The following GRM8 variants were observed in gnomAD, a reference collection of about 807,000 sequenced individuals.
GRM8 encodes metabotropic glutamate receptor 8.
A neutral mutation model predicts 87.2 loss-of-function variants in GRM8; 47 were observed. The observed-to-expected ratio is 0.54, with a 90% CI of 0.43 to 0.69. The LOEUF (loss-of-function observed/expected upper bound fraction) is 0.69. Among genes scored for constraint, GRM8 ranks in the 30% least tolerant of loss-of-function variants. GRM8 has a pLI of 0.00. For missense variants in GRM8, 1,019 were observed against 1,139.2 expected (o/e 0.89, Z 1.52); for synonymous variants, 396 against 404.5 (o/e 0.98, Z 0.25).
At chr7:127,054,526 T>G (rs1819798935) in intron 3 of GRM8, among the ~76,000 whole-genome samples, 1 of 152,100 alleles carries the variant, frequency 6.6e-6, no homozygotes, top group African/African-American at 2.4e-5. Context: ...GCAAAACATC[T>G]GACAGAAAAC....
intron 8 of GRM8, among the ~76,000 whole-genome samples, chr7:126,538,015 TG>T (rs1816045591): frequency 6.6e-6 from 1 of 152,210 alleles, no homozygotes; most frequent in South Asian, 2.1e-4. Flanking sequence ...CTGAAATACA[TG>T]GTATAACAAA....
chr7:126,771,374 G>A (rs940019218), intron 6 of GRM8, among the ~76,000 whole-genome samples: 2 of 150,858 alleles, frequency 1.3e-5, no homozygotes, highest in Non-Finnish European at 3.0e-5. Context: ...GCTCTTGGTT[G>A]GTATTCTGGT....
chr7:126,750,631 T>G (rs1291331091), intron 7 of GRM8, among the ~76,000 whole-genome samples: 1 of 152,108 alleles, frequency 6.6e-6, no homozygotes, highest in African/African-American at 2.4e-5. Context: ...TTCATATTTG[T>G]TTTAGCCACT....
At chr7:126,984,182 T>C (rs1398649762) in intron 3 of GRM8, among the ~76,000 whole-genome samples, 7 of 152,224 alleles carry the variant, frequency 4.6e-5, no homozygotes, top group Non-Finnish European at 7.3e-5. Flanking sequence ...TTGTATTATG[T>C]TAGGCATAAT....
In GRM8 at chr7:126,787,333, A is replaced by G. The variant is rs553470792; in HGVS notation, c.1157-17268T>C. 2.6e-5 allele frequency among the ~76,000 whole-genome samples: 4 copies of G among 152,298 alleles called. No homozygotes were observed. The South Asian group carries it at 6.2e-4, about 24-fold the overall frequency. ...CCCTTTCTCAGATTTCTGGGAGTCA[A>G]CAAAAAGAGGGGAGGGAGTAATAAT... On this transcript the variant is annotated intron_variant, in intron 6 of 10. Coordinates refer to ENST00000339582, the MANE Select transcript of GRM8 (RefSeq NM_000845.3).
intron 3 of GRM8, among the ~76,000 whole-genome samples, chr7:127,003,495 CACAACAGGAGAAG>C (rs1676791693): frequency 6.6e-6 from 1 of 151,610 alleles, no homozygotes; most frequent in South Asian, 2.1e-4. Flanking sequence ...AAACCTCTTC[CACAACAGGAGAAG>C]AAAGGGAGGA....
chr7:126,745,776 G>A (rs955211354), intron 7 of GRM8, among the ~76,000 whole-genome samples: 1 of 151,502 alleles, frequency 6.6e-6, no homozygotes, highest in Non-Finnish European at 1.5e-5. Flanking sequence ...TTGCACACTG[G>A]ATTTTCACAA....
intron 3 of GRM8, among the ~76,000 whole-genome samples, chr7:127,006,635 C>A (rs1464480516): frequency 6.6e-6 from 1 of 152,038 alleles, no homozygotes; most frequent in Non-Finnish European, 1.5e-5. Flanking sequence ...CAAACACTAG[C>A]TTTGCTTGAC....
At chr7:126,819,317 A>G (rs1361560824) in intron 6 of GRM8, among the ~76,000 whole-genome samples, 1 of 115,534 alleles carries the variant, frequency 8.7e-6, no homozygotes. Flanking sequence ...CAAACTCCAC[A>G]TTAACCCTAA....
At chr7:126,616,674 TA>T (rs1258873766) in intron 7 of GRM8, among the ~76,000 whole-genome samples, 2 of 151,796 alleles carry the variant, frequency 1.3e-5, no homozygotes, top group African/African-American at 4.8e-5. Flanking sequence ...ATAAACGCAA[TA>T]AAAAATGATA....
At chr7:126,889,092 ATGCAAGTT>A (rs1800756257) in intron 6 of GRM8, among the ~76,000 whole-genome samples, 1 of 152,118 alleles carries the variant, frequency 6.6e-6, no homozygotes, top group Non-Finnish European at 1.5e-5. Flanking sequence ...TCTAAACATA[ATGCAAGTT>A]TGACATTTAA....
rs148063691 is a variant in GRM8 at position 126,926,330 on chromosome 7, T to A, written c.728-21647A>T. 4.5e-3 allele frequency among the ~76,000 whole-genome samples: 680 copies of A among 152,250 alleles called. 7 individuals are homozygous for A. Among genetic ancestry groups the A allele is most frequent in the African/African-American group, 0.016 (648 of 41,540 alleles). ...ATATCTTTGATGGAGACCTGATAAT[T>A]ATCTTACACCCCTCACTGTGCTTAA... On this transcript the variant is annotated intron_variant, in intron 3 of 10. Transcript: ENST00000339582.
chr7:127,161,122 T>A (rs2116220569), intron 2 of GRM8, among the ~76,000 whole-genome samples: 1 of 152,242 alleles, frequency 6.6e-6, no homozygotes, highest in Non-Finnish European at 1.5e-5. Context: ...ACAAAAACAA[T>A]TTTAATTGAA....
chr7:127,052,483 A>G (rs998175580), intron 3 of GRM8, among the ~76,000 whole-genome samples: 5 of 152,236 alleles, frequency 3.3e-5, no homozygotes, highest in African/African-American at 1.2e-4. Context: ...TTGAAGATAT[A>G]TTTTAAGACA....
At chr7:126,954,578 C>A (rs1052746108) in intron 3 of GRM8, among the ~76,000 whole-genome samples, 2 of 152,114 alleles carry the variant, frequency 1.3e-5, no homozygotes, top group African/African-American at 4.8e-5. Context: ...GTGACTAATG[C>A]TACAATTTAA....
chr7:126,802,946 C>T (rs559214086), intron 6 of GRM8, among the ~76,000 whole-genome samples: 10 of 152,224 alleles, frequency 6.6e-5, no homozygotes, highest in African/African-American at 2.4e-4. Context: ...AGACTGTGGG[C>T]CACAAACCTG....
At chr7:127,126,564 T>C (rs1376871994) in intron 2 of GRM8, among the ~76,000 whole-genome samples, 2 of 151,976 alleles carry the variant, frequency 1.3e-5, no homozygotes, top group Non-Finnish European at 2.9e-5. Flanking sequence ...AAGCCAAGAC[T>C]TCACCACTAT....
intron 6 of GRM8, among the ~76,000 whole-genome samples, chr7:126,879,416 C>T (rs1371601721): frequency 6.6e-6 from 1 of 151,926 alleles, no homozygotes; most frequent in Non-Finnish European, 1.5e-5. Flanking sequence ...TTTTTAAGTC[C>T]ACTAATATTA....
intron 3 of GRM8, among the ~76,000 whole-genome samples, chr7:127,035,737 G>A (rs1817786650): frequency 6.6e-6 from 1 of 152,132 alleles, no homozygotes; most frequent in Non-Finnish European, 1.5e-5. Flanking sequence ...AATCCCCACA[G>A]ATTTCATCAT....
Sources: allele counts gnomAD v4.1 joint callset (sites outside exome capture counted in the v4.1 genomes callset), GRCh38; gene constraint gnomAD v4.1.1; transcripts MANE v1.5; gene names NCBI Gene and HGNC (gene_info 2026-07-23, HGNC 2026-07-21).